The following RASGRF2 variants were observed in gnomAD, a reference collection of about 807,000 sequenced individuals.
The protein encoded by RASGRF2 is ras-specific guanine nucleotide-releasing factor 2.
A neutral mutation model predicts 151.0 loss-of-function variants in RASGRF2; 76 were observed. The ratio of observed to expected loss-of-function variants is 0.50; its 90% CI spans 0.42 to 0.61. The LOEUF is 0.61. Ranked by LOEUF, RASGRF2 falls within the 20% of genes least tolerant of loss-of-function variation. RASGRF2 has a pLI of 0.00. For synonymous variants in RASGRF2, 504 were observed against 566.5 expected, an observed-to-expected ratio of 0.89 and a Z score of 1.57; for missense variants, 1,148 against 1,564.6, an observed-to-expected ratio of 0.73 and a Z score of 4.49.
At chr5:81,035,278 A>G (rs1750442900) in intron 1 of RASGRF2, among the ~76,000 whole-genome samples, 1 of 152,232 alleles carries the variant, frequency 6.6e-6, no homozygotes, top group Non-Finnish European at 1.5e-5. Flanking sequence ...AATACTATGC[A>G]GCCATAAAAA....
At chr5:81,048,542 T>G (rs939644796) in intron 2 of RASGRF2, among the ~76,000 whole-genome samples, 1 of 152,232 alleles carries the variant, frequency 6.6e-6, no homozygotes, top group Non-Finnish European at 1.5e-5. Flanking sequence ...TTCCAACTTC[T>G]CAGTGTTTTT....
chr5:80,974,609 G>A (rs1748048292), intron 1 of RASGRF2, among the ~76,000 whole-genome samples: 1 of 152,206 alleles, frequency 6.6e-6, no homozygotes, highest in African/African-American at 2.4e-5. Flanking sequence ...AGCTGAGGCC[G>A]CCAGACCAGC....
intron 2 of RASGRF2, among the ~76,000 whole-genome samples, chr5:81,048,505 C>T (rs1750908880): frequency 6.6e-6 from 1 of 152,166 alleles, no homozygotes; most frequent in African/African-American, 2.4e-5. Context: ...TATTTTAATA[C>T]TTTGTTAATA....
At chr5:81,119,715 G>C (rs893532790) in intron 15 of RASGRF2, among the ~76,000 whole-genome samples, 1 of 152,192 alleles carries the variant, frequency 6.6e-6, no homozygotes, top group Non-Finnish European at 1.5e-5. Flanking sequence ...TCATGGCCTG[G>C]GGCCAGCAGA....
intron 17 of RASGRF2, among the ~76,000 whole-genome samples, chr5:81,166,751 T>C (rs975355553): frequency 3.3e-5 from 5 of 151,992 alleles, no homozygotes; most frequent in African/African-American, 1.2e-4. Flanking sequence ...AAGGAGACAC[T>C]AAGGAAGGGA....
In RASGRF2 at chr5:81,167,891, A is replaced by G. The variant is rs559389811; in HGVS notation, c.2687-12284A>G. Among the ~76,000 whole-genome samples the G allele has an allele frequency of 2.0e-5, 3 of 152,322 alleles. No homozygotes were observed. The South Asian group carries it at 6.2e-4, about 32-fold the overall frequency. Reference sequence around the variant, plus strand: ...CTGCTGGGACTCACAGGAAGACTTCAGATCTTAAATGGATATTCTGCACTG... The same window carrying G: ...CTGCTGGGACTCACAGGAAGACTTCGGATCTTAAATGGATATTCTGCACTG... On this transcript the variant is annotated intron_variant, in intron 17 of 26. Coordinates refer to ENST00000265080, the MANE Select transcript of RASGRF2 (RefSeq NM_006909.3).
intron 15 of RASGRF2, among the ~76,000 whole-genome samples, chr5:81,118,379 A>C (rs947791657): frequency 1.3e-5 from 2 of 152,244 alleles, no homozygotes; most frequent in Non-Finnish European, 2.9e-5. Flanking sequence ...TGCCTGGGCC[A>C]CAGCTAGTGT....
chr5:81,132,363 A>C (rs1256376020), intron 17 of RASGRF2, among the ~76,000 whole-genome samples: 1 of 152,146 alleles, frequency 6.6e-6, no homozygotes, highest in Non-Finnish European at 1.5e-5. Context: ...GTGTTTTTAA[A>C]TTGTTTGTTG....
At chr5:81,061,073 T>TA (rs981753624) in intron 2 of RASGRF2, among the ~76,000 whole-genome samples, 11 of 152,160 alleles carry the variant, frequency 7.2e-5, no homozygotes, top group Non-Finnish European at 1.3e-4. Context: ...TATTTATCAA[T>TA]AAATCTTGGG....
chr5:81,188,059 T>G (rs1052046600), intron 18 of RASGRF2, among the ~76,000 whole-genome samples: 2 of 152,186 alleles, frequency 1.3e-5, no homozygotes, highest in African/African-American at 4.8e-5. Context: ...AGGCAGCTGC[T>G]GTCACCTCTC....
intron 17 of RASGRF2, among the ~76,000 whole-genome samples, chr5:81,164,787 G>A (rs898449329): frequency 3.3e-5 from 5 of 152,194 alleles, no homozygotes; most frequent in African/African-American, 1.2e-4. Flanking sequence ...GGATTGTAGA[G>A]GGAGGAATGA....
chr5:80,979,737 G>T (rs1748238246), intron 1 of RASGRF2, among the ~76,000 whole-genome samples: 1 of 152,138 alleles, frequency 6.6e-6, no homozygotes, highest in African/African-American at 2.4e-5. Flanking sequence ...TGTCTATATT[G>T]CATCCTGTAC....
chr5:81,023,357 C>T (rs1749897474), intron 1 of RASGRF2, among the ~76,000 whole-genome samples: 1 of 152,190 alleles, frequency 6.6e-6, no homozygotes, highest in African/African-American at 2.4e-5. Flanking sequence ...ATGTCTGCTC[C>T]AGTTCCTGTA....
chr5:81,176,684 G>A (rs1580382004), intron 17 of RASGRF2, among the ~76,000 whole-genome samples: 3 of 152,242 alleles, frequency 2.0e-5, no homozygotes, highest in Admixed American at 6.5e-5. Flanking sequence ...TGTGTTCCTC[G>A]GCAGAGGTTT....
Position 81,196,743 on chromosome 5 carries a change from C to T in RASGRF2, c.2794-4587C>T, listed in dbSNP as rs192046227. 7.3e-4 allele frequency among the ~76,000 whole-genome samples: 111 copies of T among 152,026 alleles called. No homozygotes were observed. The South Asian group carries it at 0.01, about 14-fold the overall frequency. On this transcript the variant is annotated intron_variant, in intron 18 of 26. Coordinates refer to ENST00000265080, the MANE Select transcript of RASGRF2 (RefSeq NM_006909.3). The stretch of plus-strand genomic sequence containing the variant: ...GTAACCTGATATCCTTCACACTAAT[C>T]GTGCATTTATGATAATCAGATTATT...
Position 81,200,378 on chromosome 5 carries a change from T to C in RASGRF2, c.2794-952T>C, listed in dbSNP as rs536343246. On this transcript the variant is annotated intron_variant, in intron 18 of 26. Coordinates refer to ENST00000265080, the MANE Select transcript of RASGRF2 (RefSeq NM_006909.3). ...GATAGGGACTTACAGGTTCTTCTTATTAAACTGGTTATTGCTTATTACTCT... is the reference window on the plus strand; with the variant it reads ...GATAGGGACTTACAGGTTCTTCTTACTAAACTGGTTATTGCTTATTACTCT... 3.2e-3 allele frequency among the ~76,000 whole-genome samples: 484 copies of C among 151,648 alleles called. 3 individuals are homozygous for C. The highest frequency in any genetic ancestry group is 0.011 in the African/African-American group (453 of 41,378).
chr5:81,201,686 C>T (rs114817738), intron 19 of RASGRF2, among the ~76,000 whole-genome samples: 57 of 152,224 alleles, frequency 3.7e-4, no homozygotes, highest in African/African-American at 1.3e-3. Context: ...AGGCAGACAG[C>T]GGTTTACTAT....
chr5:81,003,379 C>T (rs537162874), intron 1 of RASGRF2, among the ~76,000 whole-genome samples: 135 of 152,228 alleles, frequency 8.9e-4, no homozygotes, highest in African/African-American at 2.9e-3. Flanking sequence ...CCCACCACCA[C>T]GCCCACCTAA....
intron 17 of RASGRF2, among the ~76,000 whole-genome samples, chr5:81,157,288 G>A (rs1419971791): frequency 4.0e-5 from 6 of 151,416 alleles, no homozygotes; most frequent in African/African-American, 1.2e-4. Flanking sequence ...CCAGGAGGCG[G>A]GAGGTTGCAG....
Sources: allele counts gnomAD v4.1 joint callset (sites outside exome capture counted in the v4.1 genomes callset), GRCh38; gene constraint gnomAD v4.1.1; transcripts MANE v1.5; gene names NCBI Gene and HGNC (gene_info 2026-07-23, HGNC 2026-07-21).